DPH6: variants seen among roughly 807,000 people sequenced by gnomAD.
The protein encoded by DPH6 is diphthamine biosynthesis 6.
DPH6 carries 33 observed loss-of-function variants against 38.2 expected under a neutral mutation model. The observed-to-expected ratio is 0.86, with a 90% CI of 0.65 to 1.15. The LOEUF is 1.15. DPH6 is among the 50% of genes most tolerant of loss of function. The probability of loss-of-function intolerance (pLI) is 0.00; values close to 1 mark genes in which losing one functional copy is unlikely to be tolerated. For missense variants in DPH6, 325 were observed against 320.0 expected (o/e 1.02, Z -0.12); for synonymous variants, 108 against 103.0 (o/e 1.05, Z -0.30).
intron 3 of DPH6, among the ~76,000 whole-genome samples, chr15:35,304,319 G>A (rs2052073754): frequency 6.6e-6 from 1 of 151,994 alleles, no homozygotes; most frequent in Non-Finnish European, 1.5e-5. Context: ...TACCTTCCTT[G>A]ATTTTATCAG....
At chr15:35,290,623 G>C (rs2051973997) in intron 3 of DPH6, among the ~76,000 whole-genome samples, 1 of 152,130 alleles carries the variant, frequency 6.6e-6, no homozygotes, top group Non-Finnish European at 1.5e-5. Context: ...CATGGACTTT[G>C]ATTCAGCAAA....
chr15:35,283,757 T>TATACAC (rs5811853), intron 3 of DPH6, among the ~76,000 whole-genome samples: 1 of 140,500 alleles, frequency 7.1e-6, no homozygotes, highest in African/African-American at 2.6e-5. Context: ...GCACAGATAG[T>TATACAC]ACACACACAC....
At chr15:35,224,103 T>G (rs1478575712) in intron 3 of DPH6, among the ~76,000 whole-genome samples, 1 of 128,280 alleles carries the variant, frequency 7.8e-6, no homozygotes, top group Non-Finnish European at 1.5e-5. Flanking sequence ...GATTTTAGTT[T>G]TTTTTTTTTT....
Position 35,454,759 on chromosome 15 carries a change from C to T in DPH6, c.374G>A (p.Arg125Gln), listed in dbSNP as rs1450889968. ...GAILSDYQRI[R>Q]VENVCKRLNL... ...AATGTTTTCTTACACATTTTCCACTCGAATACGCTGATAGTCAGAAAGTAT... is the reference window on the plus strand; with the variant it reads ...AATGTTTTCTTACACATTTTCCACTTGAATACGCTGATAGTCAGAAAGTAT... Residue 125 changes from arginine to glutamine, a missense_variant, in exon 4 of 9, where the codon CGA becomes CAA. Transcript: ENST00000256538. 1.3e-5 allele frequency: 21 copies of T among 1,608,652 alleles called. No homozygotes were observed. Among genetic ancestry groups the T allele is most frequent in the South Asian group, 3.4e-5 (3 of 89,458 alleles).
chr15:35,430,344 T>TACTTTAAC (rs1204258122), intron 5 of DPH6, among the ~76,000 whole-genome samples: 1 of 151,794 alleles, frequency 6.6e-6, no homozygotes, highest in African/African-American at 2.4e-5. Flanking sequence ...AGGCAACTTG[T>TACTTTAAC]ACTTTAACTT....
chr15:35,434,763 TTTTG>T lies in DPH6; in HGVS notation c.505+15918_505+15921del, dbSNP rs142175910. Reference sequence around the variant, plus strand: ...AAACATAAATTACTACTAAGGCTTTTTTTGTTTGTTTGTTTTGTTTTCTTTTTGA... The same window carrying T: ...AAACATAAATTACTACTAAGGCTTTTTTTGTTTGTTTTGTTTTCTTTTTGA... On this transcript the variant is annotated intron_variant, in intron 5 of 8. Coordinates refer to ENST00000256538, the MANE Select transcript of DPH6 (RefSeq NM_080650.4). 6.6e-3 allele frequency among the ~76,000 whole-genome samples: 1,011 copies of T among 152,140 alleles called. 9 individuals carry two copies. The highest frequency in any genetic ancestry group is 0.023 in the African/African-American group (942 of 41,518).
chr15:35,533,073 C>T (rs2055112771), intron 3 of DPH6, among the ~76,000 whole-genome samples: 1 of 150,952 alleles, frequency 6.6e-6, no homozygotes, highest in South Asian at 2.1e-4. Flanking sequence ...TGCCATTGTG[C>T]TCCAGCCTGG....
At chr15:35,155,510 C>T in the DPH6 span, among the ~76,000 whole-genome samples, 5 of 152,192 alleles carry the variant, frequency 3.3e-5, no homozygotes, top group East Asian at 5.8e-4. Flanking sequence ...TTGTCCACTG[C>T]TCTTTCTACC....
At chr15:35,271,241 G>A (rs2051820514) in intron 3 of DPH6, among the ~76,000 whole-genome samples, 1 of 150,466 alleles carries the variant, frequency 6.6e-6, no homozygotes, top group East Asian at 2.1e-4. Context: ...AAGGTCAATG[G>A]AGTTAAACAA....
chr15:35,473,974 G>C (rs2141133064), intron 3 of DPH6, among the ~76,000 whole-genome samples: 1 of 150,506 alleles, frequency 6.6e-6, no homozygotes, highest in Non-Finnish European at 1.5e-5. Context: ...GCGCGCGTGA[G>C]CTTTTGTAGA....
At chr15:35,311,507 T>C (rs1167062574) in intron 3 of DPH6, among the ~76,000 whole-genome samples, 1 of 152,168 alleles carries the variant, frequency 6.6e-6, no homozygotes, top group Non-Finnish European at 1.5e-5. Flanking sequence ...TTAAAAATTA[T>C]TACCAAATAG....
chr15:35,442,246 T>C (rs2053798099), intron 5 of DPH6, among the ~76,000 whole-genome samples: 1 of 152,090 alleles, frequency 6.6e-6, no homozygotes, highest in African/African-American at 2.4e-5. Flanking sequence ...CTAAAGAAGA[T>C]ATACAAAGGG....
the DPH6 span, among the ~76,000 whole-genome samples, chr15:35,198,091 T>G: frequency 6.6e-6 from 1 of 151,258 alleles, no homozygotes; most frequent in African/African-American, 2.4e-5. Context: ...TATTGCAATT[T>G]AACAAACATT....
intron 3 of DPH6, among the ~76,000 whole-genome samples, chr15:35,221,402 G>A (rs1190747081): frequency 6.6e-6 from 1 of 152,132 alleles, no homozygotes; most frequent in Non-Finnish European, 1.5e-5. Flanking sequence ...GCCCTGGTGG[G>A]AACTCTCTGC....
At position 35,243,224 on chromosome 15, in the gene DPH6, G is replaced by A. The variant is rs2051612431; in HGVS notation, n.201-22642C>T. ...CCCACAATATCACCCCTTACCACAAGATCTCCCTTCAGCTTAATCTCTCCC... is the reference window on the plus strand; with the variant it reads ...CCCACAATATCACCCCTTACCACAAAATCTCCCTTCAGCTTAATCTCTCCC... On this transcript the variant is annotated intron_variant and non_coding_transcript_variant, in intron 3 of 3. Transcript: ENST00000560386. Among the ~76,000 whole-genome samples the A allele has an allele frequency of 2.8e-5, 4 of 141,400 alleles. 1 individual carries two copies. Among genetic ancestry groups the A allele is most frequent in the South Asian group, 2.5e-4 (1 of 3,996 alleles). 92.8% of individuals were successfully genotyped at this position (141,400 alleles called of 152,430 possible). A position where few individuals can be genotyped will look rare whatever the true frequency, so the allele number is the denominator to read the frequency against.
intron 3 of DPH6, among the ~76,000 whole-genome samples, chr15:35,482,193 G>GA (rs1159523685): frequency 6.6e-6 from 1 of 152,182 alleles, no homozygotes; most frequent in Non-Finnish European, 1.5e-5. Context: ...CAAACGAACT[G>GA]AAAAAACCAG....
chr15:35,544,639 C>A (rs1259453731), intron 1 of DPH6, among the ~76,000 whole-genome samples: 1 of 152,162 alleles, frequency 6.6e-6, no homozygotes, highest in African/African-American at 2.4e-5. Context: ...CATAAGCATA[C>A]AGGTAAATGC....
chr15:35,432,500 A>C (rs545763817), intron 5 of DPH6, among the ~76,000 whole-genome samples: 56 of 152,332 alleles, frequency 3.7e-4, no homozygotes, highest in African/African-American at 1.3e-3. Context: ...CAGAAATATC[A>C]AACTGAAAGC....
At chr15:35,258,688 CT>C (rs1435241859) in intron 3 of DPH6, among the ~76,000 whole-genome samples, 1 of 152,034 alleles carries the variant, frequency 6.6e-6, no homozygotes, top group African/African-American at 2.4e-5. Flanking sequence ...AACATGCTCA[CT>C]TTTTTTGGGC....
Sources: allele counts gnomAD v4.1 joint callset (sites outside exome capture counted in the v4.1 genomes callset), GRCh38; gene constraint gnomAD v4.1.1; transcripts MANE v1.5; gene names NCBI Gene and HGNC (gene_info 2026-07-23, HGNC 2026-07-21).